The following WAC variants were observed in gnomAD, a reference collection of about 807,000 sequenced individuals.
The protein encoded by WAC is WW domain-containing adapter protein with coiled-coil.
Under a neutral mutation model 79.6 loss-of-function variants are expected in WAC, and 11 were observed. The ratio of observed to expected loss-of-function variants is 0.14; its 90% CI spans 0.09 to 0.23. The LOEUF (loss-of-function observed/expected upper bound fraction) is 0.23. Ranked by LOEUF, WAC falls within the 10% of genes least tolerant of loss-of-function variation. The pLI is 1.00. For synonymous variants in WAC, 304 were observed against 276.9 expected (o/e 1.10, Z -0.97); for missense variants, 728 against 773.5 (o/e 0.94, Z 0.70).
chr10:28,603,941 AAATATATATATGTATGTATG>A (rs1840768325), intron 7 of WAC, among the ~76,000 whole-genome samples: 3 of 26,944 alleles, frequency 1.1e-4, no homozygotes, highest in African/African-American at 4.0e-4. Flanking sequence ...CTCAAAAAAA[AAATATATATATGTATGTATG>A]TATATATATA....
chr10:28,615,433 T>G (rs1317192582), intron 11 of WAC: 1 of 152,226 alleles, frequency 6.6e-6, no homozygotes. Context: ...TGAACATTTT[T>G]GGGAAATTCT....
rs143457085 is a variant in WAC, at chr10:28,610,744, A to G, written c.1211A>G (p.His404Arg). Residue 404 changes from histidine (H) to arginine (R), a missense_variant, in exon 9 of 14, where the codon CAT (histidine) becomes CGT (arginine). His to Arg is a conservative substitution (Grantham distance 29). Coordinates refer to ENST00000354911, the MANE Select transcript of WAC (RefSeq NM_016628.5). ...CAAGCCTCACTGCAGTCTATAATTC[A>G]TAAGTTTCTTACTGCTGGACCATCT... ...VTQASLQSII[H>R]KFLTAGPSAF... is the part of the protein sequence containing the mutation. The G allele has an allele frequency of 2.3e-5, 37 of 1,612,514 alleles. No individual in the cohort carries two copies. The highest frequency in any genetic ancestry group is 3.1e-5 in the Non-Finnish European group (36 of 1,179,722).
chr10:28,617,485 A>G (rs1033044764), intron 12 of WAC, among the ~76,000 whole-genome samples, 172 bp from the exon 13 acceptor site: 7 of 152,252 alleles, frequency 4.6e-5, no homozygotes, highest in African/African-American at 1.7e-4. Context: ...CCTTAGAGAC[A>G]GTTTCTTAAA....
intron 6 of WAC, among the ~76,000 whole-genome samples, chr10:28,594,557 G>A (rs1840256719): frequency 6.6e-6 from 1 of 152,190 alleles, no homozygotes; most frequent in Non-Finnish European, 1.5e-5. Flanking sequence ...GTGCTTTGAT[G>A]TGATTGACTT....
intron 4 of WAC, among the ~76,000 whole-genome samples, chr10:28,586,080 A>G (rs1839807856): frequency 6.6e-6 from 1 of 152,176 alleles, no homozygotes; most frequent in South Asian, 2.1e-4. Context: ...TTTGCATTAT[A>G]ATGTACCTAG....
rs775737628 is a variant in WAC at position 28,617,787 on chromosome 10, A to T, written c.1874+3A>T. 5 of 1,579,312 alleles carry T rather than the reference A, an allele frequency of 3.2e-6. No homozygotes were observed. The highest frequency in any genetic ancestry group is 3.4e-6 in the Non-Finnish European group (4 of 1,170,122). ...CAAGCAACTTTGCGAGAGCAAAGGT[A>T]AGTCTTTCACTGAAATATATTTTTA... On this transcript the variant is annotated splice_donor_region_variant and intron_variant, in intron 13 of 13. Coordinates refer to ENST00000354911, the MANE Select transcript of WAC (RefSeq NM_016628.5).
chr10:28,576,006 G>C (rs1283180419), intron 3 of WAC, among the ~76,000 whole-genome samples: 1 of 152,162 alleles, frequency 6.6e-6, no homozygotes, highest in Non-Finnish European at 1.5e-5. Flanking sequence ...AGGCTGTATA[G>C]ATTTATAGCC....
At chr10:28,586,727 T>A (rs1241079842) in intron 4 of WAC, among the ~76,000 whole-genome samples, 1 of 152,078 alleles carries the variant, frequency 6.6e-6, no homozygotes, top group Non-Finnish European at 1.5e-5. Flanking sequence ...AAAATCATGG[T>A]ATGACTTGTA....
In WAC at chr10:28,608,259, C is replaced by T. The variant is rs1841055965; in HGVS notation, c.993C>T (p.Asn331=). ...TPSTSSASGL[N]PTSAPPTSAS... ...CCACGTCTTCTGCCTCTGGACTGAA[C>T]CCCACATCTGCACCTCCAACATCTG... The change falls in exon 8 of 14, where the codon AAC becomes AAT. Residue 331 remains asparagine, a synonymous_variant. Coordinates refer to ENST00000354911, the MANE Select transcript of WAC (RefSeq NM_016628.5). The T allele has an allele frequency of 1.9e-6, 3 of 1,614,164 alleles. No individual in the cohort carries two copies. Among genetic ancestry groups the T allele is most frequent in the Non-Finnish European group, 2.5e-6 (3 of 1,180,026 alleles).
At chr10:28,600,467 A>C (rs1840586040) in intron 7 of WAC, among the ~76,000 whole-genome samples, 1 of 152,190 alleles carries the variant, frequency 6.6e-6, no homozygotes, top group Non-Finnish European at 1.5e-5. Flanking sequence ...CTTTGCTTTA[A>C]AATAATTTTT....
chr10:28,596,701 C>T (rs1364663648), intron 7 of WAC, among the ~76,000 whole-genome samples: 1 of 152,126 alleles, frequency 6.6e-6, no homozygotes, highest in Non-Finnish European at 1.5e-5. Context: ...CAATCTGAAA[C>T]TTGTACTTCA....
chr10:28,584,229 A>G (rs1020086316), intron 4 of WAC, among the ~76,000 whole-genome samples: 3 of 152,190 alleles, frequency 2.0e-5, no homozygotes, highest in African/African-American at 7.2e-5. Context: ...TGGGTGAGGA[A>G]GATAGTAAAG....
chr10:28,593,125 G>A (rs1840181760), intron 6 of WAC, among the ~76,000 whole-genome samples: 1 of 152,170 alleles, frequency 6.6e-6, no homozygotes, highest in Non-Finnish European at 1.5e-5. Flanking sequence ...ATGTAGTCAT[G>A]TATCACACTT....
intron 4 of WAC, among the ~76,000 whole-genome samples, chr10:28,583,791 A>G (rs1564400850): frequency 6.6e-6 from 1 of 152,160 alleles, no homozygotes; most frequent in African/African-American, 2.4e-5. Context: ...TCTGAGATAA[A>G]AAGAACTTCA....
chr10:28,593,405 A>C (rs2132693303), intron 6 of WAC, among the ~76,000 whole-genome samples: 1 of 152,278 alleles, frequency 6.6e-6, no homozygotes, highest in South Asian at 2.1e-4. Context: ...TAAAGAGATA[A>C]AGTAGGTTTT....
Position 28,583,383 on chromosome 10 carries a change from T to C in WAC, c.275-16T>C. ...ACAGTTTACTTGTAATTCACTTTGT[T>C]CTTTATTTTTTTAAGGGACCAGTTA... is the stretch of plus-strand genomic sequence containing the variant. On this transcript the variant is annotated splice_polypyrimidine_tract_variant and intron_variant, in intron 3 of 13. Coordinates refer to ENST00000354911, the MANE Select transcript of WAC (RefSeq NM_016628.5). 1.3e-6 allele frequency: 2 copies of C among 1,548,690 alleles called. No homozygotes were observed. Among genetic ancestry groups the C allele is most frequent in the Non-Finnish European group, 1.7e-6 (2 of 1,144,902 alleles).
chr10:28,592,622 A>G (rs1030790344), intron 6 of WAC, among the ~76,000 whole-genome samples: 2 of 151,886 alleles, frequency 1.3e-5, no homozygotes, highest in Non-Finnish European at 2.9e-5. Flanking sequence ...CTCTGTCTCC[A>G]AAAAAAAGAA....
chr10:28,613,770 A>C (rs1441403861), intron 10 of WAC, among the ~76,000 whole-genome samples: 1 of 152,190 alleles, frequency 6.6e-6, no homozygotes, highest in Non-Finnish European at 1.5e-5. Context: ...AAAGGACTCC[A>C]TCTGCCTTTG....
rs1841646968 is a variant in WAC, at chr10:28,620,397, G to A, written c.*791G>A. 2 of 152,588 alleles carry A rather than the reference G, an allele frequency of 1.3e-5. No individual in the cohort carries two copies. Among genetic ancestry groups the A allele is most frequent in the Admixed American group, 6.6e-5 (1 of 15,266 alleles). The allele number at this position is 152,588 out of a possible 1,614,324, so 9.5% of individuals were successfully genotyped here. On this transcript the variant is annotated 3_prime_UTR_variant, in exon 14 of 14. Coordinates refer to ENST00000354911, the MANE Select transcript of WAC (RefSeq NM_016628.5). ...TAAGAATGGACTTAAAAGTACTGCT[G>A]GACAGGCATGTGTGCTCAAAGTACA...
Sources: allele counts gnomAD v4.1 joint callset (sites outside exome capture counted in the v4.1 genomes callset), GRCh38; gene constraint gnomAD v4.1.1; transcripts MANE v1.5; gene names NCBI Gene and HGNC (gene_info 2026-07-23, HGNC 2026-07-21).